CYP39A1: variants seen among roughly 807,000 people sequenced by gnomAD.
CYP39A1 encodes cytochrome P450 family 39 subfamily A member 1.
Under a neutral mutation model 58.1 loss-of-function variants are expected in CYP39A1, and 49 were observed. The ratio of observed to expected loss-of-function variants is 0.84; its 90% CI spans 0.67 to 1.07. The LOEUF (loss-of-function observed/expected upper bound fraction) is 1.07. Among genes scored for constraint, CYP39A1 ranks in the 50% least tolerant of loss-of-function variants. The pLI is 0.00. For synonymous variants in CYP39A1, 209 were observed against 187.6 expected (o/e 1.11, Z -0.93); for missense variants, 531 against 539.4 (o/e 0.98, Z 0.16).
intron 8 of CYP39A1, among the ~76,000 whole-genome samples, chr6:46,592,215 C>T (rs928222224): frequency 7.2e-5 from 11 of 152,036 alleles, no homozygotes; most frequent in African/African-American, 9.7e-5. Context: ...ACAAAGAGAG[C>T]CTGTTCGAAC....
intron 7 of CYP39A1, among the ~76,000 whole-genome samples, chr6:46,601,973 A>AT (rs1194379637): frequency 6.6e-6 from 1 of 152,038 alleles, no homozygotes; most frequent in Admixed American, 6.6e-5. Flanking sequence ...CTATTATTTC[A>AT]TTTTATTTCC....
rs1345014078 is a variant in CYP39A1, at chr6:46,652,545, C to T, written c.38G>A (p.Gly13Asp). ...LISPTVIIILGCLALFLLLQR... is the reference protein window; with the variant it reads ...LISPTVIIILDCLALFLLLQR... ...AAGGAGTAAGAACAGAGCAAGGCAA[C>T]CCAGGATTATAATCACTGTTGGGGA... Residue 13 changes from glycine to aspartate, a missense_variant, in exon 1 of 12, where the codon GGT (glycine) becomes GAT (aspartate). Physicochemically the swap from Gly to Asp is moderately conservative, Grantham distance 94. Coordinates refer to ENST00000275016, the MANE Select transcript of CYP39A1 (RefSeq NM_016593.5). 5.0e-6 allele frequency: 8 copies of T among 1,610,804 alleles called. No homozygotes were observed. Among genetic ancestry groups the T allele is most frequent in the Non-Finnish European group, 6.8e-6 (8 of 1,178,792 alleles).
intron 10 of CYP39A1, among the ~76,000 whole-genome samples, chr6:46,564,160 ATTCTATTTTATTCTATTTTATTCTAT>A (rs1461261814): frequency 2.3e-5 from 3 of 130,244 alleles, no homozygotes; most frequent in African/African-American, 1.1e-4. Context: ...ATTCTATTTT[ATTCTATTTTATTCTATTTTATTCTAT>A]TTTATTTTAT....
intron 7 of CYP39A1, among the ~76,000 whole-genome samples, chr6:46,619,636 C>A (rs1447557598): frequency 1.3e-5 from 2 of 152,018 alleles, no homozygotes; most frequent in Non-Finnish European, 2.9e-5. Flanking sequence ...GTTCCAGGCA[C>A]AGGAATCTTA....
At chr6:46,638,239 T>G (rs150394595) in intron 3 of CYP39A1, among the ~76,000 whole-genome samples, 1 of 152,174 alleles carries the variant, frequency 6.6e-6, no homozygotes, top group Non-Finnish European at 1.5e-5. Flanking sequence ...CTCTGACAAA[T>G]ATGAGATAAT....
At chr6:46,572,284 T>C (rs1333129146) in intron 10 of CYP39A1, among the ~76,000 whole-genome samples, 1 of 152,168 alleles carries the variant, frequency 6.6e-6, no homozygotes, top group Admixed American at 6.5e-5. Context: ...TCATGCATTT[T>C]TATGTTATTA....
At chr6:46,630,769 G>A (rs997640628) in intron 6 of CYP39A1, among the ~76,000 whole-genome samples, 194 bp downstream of exon 6, 5 of 152,240 alleles carry the variant, frequency 3.3e-5, no homozygotes, top group South Asian at 2.1e-4. Context: ...GATCTGTTTC[G>A]TCTCCTTTGT....
At chr6:46,652,202 T>C (rs1353108341) in intron 1 of CYP39A1, among the ~76,000 whole-genome samples, 1 of 152,190 alleles carries the variant, frequency 6.6e-6, no homozygotes, top group Non-Finnish European at 1.5e-5. Context: ...CACGCTGCAA[T>C]TGTATTTCAT....
Position 46,553,857 on chromosome 6 carries a change from G to A in CYP39A1, c.1251-3C>T. The A allele has an allele frequency of 6.4e-7, 1 of 1,567,630 alleles. No individual in the cohort carries two copies. The highest frequency in any genetic ancestry group is 8.7e-7 in the Non-Finnish European group (1 of 1,149,576). Reference sequence around the variant, plus strand: ...GAACCTCTAACAGAGCAAACCACCTGGAAGAAACGAATAAAATTGTTACTT... The same window carrying A: ...GAACCTCTAACAGAGCAAACCACCTAGAAGAAACGAATAAAATTGTTACTT... On this transcript the variant is annotated splice_region_variant and splice_polypyrimidine_tract_variant and intron_variant, in intron 10 of 11. Coordinates refer to ENST00000275016, the MANE Select transcript of CYP39A1 (RefSeq NM_016593.5).
chr6:46,568,734 T>C (rs555367735), intron 10 of CYP39A1, among the ~76,000 whole-genome samples: 14 of 152,108 alleles, frequency 9.2e-5, no homozygotes, highest in Non-Finnish European at 1.9e-4. Context: ...CTCTATTCTA[T>C]TGTATTGGTC....
chr6:46,564,210 A>T (rs806495), intron 10 of CYP39A1, among the ~76,000 whole-genome samples: 4 of 139,694 alleles, frequency 2.9e-5, no homozygotes, highest in Admixed American at 1.5e-4. Flanking sequence ...ATTTTATTTT[A>T]AGACAGAGTC....
intron 10 of CYP39A1, among the ~76,000 whole-genome samples, chr6:46,584,487 T>A (rs924758990): frequency 1.3e-5 from 2 of 152,148 alleles, no homozygotes; most frequent in African/African-American, 4.8e-5. Flanking sequence ...ATCTTCCAAA[T>A]CTGGTAGATT....
chr6:46,573,686 G>A (rs924542338), intron 10 of CYP39A1, among the ~76,000 whole-genome samples: 3 of 152,156 alleles, frequency 2.0e-5, no homozygotes, highest in African/African-American at 7.2e-5. Context: ...AGCAACATCA[G>A]AGCCAGAGTC....
At position 46,640,841 on chromosome 6, in the gene CYP39A1, A is replaced by G. The variant is rs541652113; in HGVS notation, c.314-1173T>C. ...TTTATTGAAGTAACTTTTTCAAAGA[A>G]TAAGTTTTAATTTTGTATTTCGTCA... On this transcript the variant is annotated intron_variant, in intron 2 of 11. Transcript: ENST00000275016. Among the ~76,000 whole-genome samples, 43 of 147,846 alleles carry G rather than the reference A, an allele frequency of 2.9e-4. 1 individual carries two copies. The South Asian group carries it at 8.4e-3, about 29-fold the overall frequency.
chr6:46,627,997 T>C (rs1423534191), intron 6 of CYP39A1, among the ~76,000 whole-genome samples: 6 of 152,288 alleles, frequency 3.9e-5, no homozygotes, highest in East Asian at 1.9e-4. Context: ...CTCAGCTCAC[T>C]GAACTGCAGA....
chr6:46,585,307 T>C (rs1772402600), intron 10 of CYP39A1, among the ~76,000 whole-genome samples: 1 of 150,890 alleles, frequency 6.6e-6, no homozygotes, highest in South Asian at 2.1e-4. Flanking sequence ...CAATAAATTA[T>C]TTAGTTGCTA....
chr6:46,594,958 T>C (rs1336001079), intron 8 of CYP39A1, among the ~76,000 whole-genome samples: 1 of 151,608 alleles, frequency 6.6e-6, no homozygotes, highest in East Asian at 1.9e-4. Flanking sequence ...AACAACTCAC[T>C]AGTAAAAAAC....
chr6:46,611,217 G>T (rs574154308), intron 7 of CYP39A1, among the ~76,000 whole-genome samples: 9 of 152,190 alleles, frequency 5.9e-5, no homozygotes, highest in Non-Finnish European at 1.3e-4. Context: ...AAGGATTTAG[G>T]ATAAGATTTT....
intron 2 of CYP39A1, 87 bp downstream of exon 2, chr6:46,642,076 A>G: frequency 3.0e-6 from 4 of 1,334,572 alleles, no homozygotes; most frequent in Non-Finnish European, 4.3e-6. Context: ...CATTCTTGAT[A>G]GAGGAATGAG....
Sources: allele counts gnomAD v4.1 joint callset (sites outside exome capture counted in the v4.1 genomes callset), GRCh38; gene constraint gnomAD v4.1.1; transcripts MANE v1.5; gene names NCBI Gene and HGNC (gene_info 2026-07-23, HGNC 2026-07-21).